PKD1L1: variants seen among roughly 807,000 people sequenced by gnomAD.
PKD1L1 encodes polycystin-1-like protein 1.
PKD1L1 carries 236 observed loss-of-function variants against 323.4 expected under a neutral mutation model. That is an observed-to-expected ratio of 0.73 (90% CI 0.66 to 0.81). The LOEUF (loss-of-function observed/expected upper bound fraction) is 0.81. Among genes scored for constraint, PKD1L1 ranks in the 40% least tolerant of loss-of-function variants. The pLI, the probability that PKD1L1 is intolerant of heterozygous loss-of-function variation, is 0.00. For synonymous variants in PKD1L1, 1,344 were observed against 1,335.0 expected (o/e 1.01, Z -0.15); for missense variants, 3,320 against 3,508.0 (o/e 0.95, Z 1.35).
intron 7 of PKD1L1, among the ~76,000 whole-genome samples, chr7:47,917,314 A>G (rs926544977): frequency 6.6e-6 from 1 of 152,170 alleles, no homozygotes; most frequent in African/African-American, 2.4e-5. Flanking sequence ...AAAGCCTCCA[A>G]GAAGTCTGGG....
intron 31 of PKD1L1, among the ~76,000 whole-genome samples, chr7:47,849,039 G>C (rs140023164): frequency 1.1e-3 from 171 of 152,162 alleles, no homozygotes; most frequent in African/African-American, 3.9e-3. Context: ...CCAAAAATAA[G>C]GCCAAATACC....
In PKD1L1 at chr7:47,835,062, C is replaced by T. The variant is rs116012201; in HGVS notation, c.6055-23G>A. ...TTCCTGCAGAAGGAAAGAGGTGGTTCGCCAAGCGTGTTCCCCAGCAATGAA... is the reference window on the plus strand; with the variant it reads ...TTCCTGCAGAAGGAAAGAGGTGGTTTGCCAAGCGTGTTCCCCAGCAATGAA... On this transcript the variant is annotated intron_variant, in intron 38 of 56. Transcript: ENST00000289672. 270 of 1,612,742 alleles carry T rather than the reference C, an allele frequency of 1.7e-4. 3 individuals carry two copies. The African/African-American group carries it at 3.1e-3, about 18-fold the overall frequency.
intron 50 of PKD1L1, among the ~76,000 whole-genome samples, chr7:47,811,405 T>G (rs1784891771): frequency 6.6e-6 from 1 of 152,122 alleles, no homozygotes; most frequent in Admixed American, 6.5e-5. Context: ...TCCGCCCACC[T>G]CGGCCTCCCA....
the PKD1L1 span, chr7:47,957,318 C>G: frequency 6.6e-6 from 1 of 152,472 alleles, no homozygotes; most frequent in Non-Finnish European, 1.5e-5. Context: ...AGAATAGGAA[C>G]ATGCTGTAAT....
chr7:47,813,987 G>T lies in PKD1L1; in HGVS notation c.7117C>A (p.Leu2373Ile). 1 of 1,614,044 alleles carries T rather than the reference G, an allele frequency of 6.2e-7. No homozygotes were observed. Reference sequence around the variant, plus strand: ...TGCCTAATTACGGAACTGCCTATTAGGTAGCATTTTCCTCCAAGAGCTCCA... The same window carrying T: ...TGCCTAATTACGGAACTGCCTATTATGTAGCATTTTCCTCCAAGAGCTCCA... ...QPGALGGKCY[L>I]IGSSVIRQLK... Residue 2373 changes from leucine to isoleucine, a missense_variant, in exon 48 of 57, where the codon CTA (leucine) becomes ATA (isoleucine). Coordinates refer to ENST00000289672, the MANE Select transcript of PKD1L1 (RefSeq NM_138295.5).
intron 3 of PKD1L1, among the ~76,000 whole-genome samples, chr7:47,938,287 G>C (rs900566076): frequency 6.6e-6 from 1 of 152,110 alleles, no homozygotes; most frequent in African/African-American, 2.4e-5. Flanking sequence ...TGTCAAGAAG[G>C]CCAGAGTGGG....
chr7:47,845,837 T>A (rs1785653661), intron 32 of PKD1L1, among the ~76,000 whole-genome samples: 1 of 152,170 alleles, frequency 6.6e-6, no homozygotes, highest in Admixed American at 6.5e-5. Flanking sequence ...TGTCTCAGCC[T>A]CCCAAAGAGC....
chr7:47,833,051 A>C, intron 41 of PKD1L1, 39 bp downstream of exon 41: 1 of 1,583,696 alleles, frequency 6.3e-7, no homozygotes, highest in South Asian at 1.2e-5. Context: ...GGTCTGCTGG[A>C]CTGGCAGGAA....
chr7:47,814,756 C>T (rs1376109251), intron 47 of PKD1L1, among the ~76,000 whole-genome samples: 1 of 152,218 alleles, frequency 6.6e-6, no homozygotes, highest in Non-Finnish European at 1.5e-5. Flanking sequence ...TCGTGATCCA[C>T]CTGCCTCAGC....
chr7:47,944,087 G>A (rs762561656), intron 1 of PKD1L1, among the ~76,000 whole-genome samples: 3 of 152,222 alleles, frequency 2.0e-5, no homozygotes, highest in Admixed American at 6.5e-5. Context: ...TACTTTTTCA[G>A]ATGCTGGTAT....
chr7:47,811,681 G>C (rs1784898951), intron 50 of PKD1L1, 136 bp downstream of exon 50: 1 of 684,904 alleles, frequency 1.5e-6, no homozygotes, highest in Admixed American at 2.6e-5. Context: ...TGCAAGAAGG[G>C]GATGTGACAA....
chr7:47,805,086 TACACACACAC>T (rs59085691), intron 52 of PKD1L1, among the ~76,000 whole-genome samples: 9,463 of 150,124 alleles, frequency 0.063, 421 homozygotes, highest in East Asian at 0.19. Flanking sequence ...CCTGTACAAA[TACACACACAC>T]ACACACACAC....
At chr7:47,913,599 C>T (rs1468141589) in intron 8 of PKD1L1, among the ~76,000 whole-genome samples, 1 of 151,974 alleles carries the variant, frequency 6.6e-6, no homozygotes, top group Non-Finnish European at 1.5e-5. Flanking sequence ...TGTGGCACCT[C>T]CCCCCCTCTT....
intron 25 of PKD1L1, among the ~76,000 whole-genome samples, chr7:47,865,841 T>C (rs910403588): frequency 1.3e-5 from 2 of 151,760 alleles, no homozygotes; most frequent in African/African-American, 4.8e-5. Flanking sequence ...GTGATCTGCC[T>C]GCCTTGGCCT....
chr7:47,830,005 T>C, intron 43 of PKD1L1, 35 bp downstream of exon 43: 1 of 1,590,930 alleles, frequency 6.3e-7, no homozygotes, highest in Non-Finnish European at 8.6e-7. Flanking sequence ...CCCCTGCTGA[T>C]GGAAGGCACT....
In PKD1L1 at chr7:47,775,140, T is replaced by C. The variant is rs752731197; in HGVS notation, c.*3A>G. The C allele has an allele frequency of 1.2e-6, 2 of 1,614,042 alleles. No individual in the cohort carries two copies. The highest frequency in any genetic ancestry group is 3.3e-5 in the Admixed American group (2 of 60,004). ...ATAGTGCCTATGCAAGGTACCAGGC[T>C]CCTCAGAAGTCCTTGATGTCTGCTG... is the stretch of plus-strand genomic sequence containing the variant. On this transcript the variant is annotated 3_prime_UTR_variant, in exon 57 of 57. Transcript: ENST00000289672.
At chr7:47,832,939 G>T in intron 41 of PKD1L1, 151 bp downstream of exon 41, 2 of 1,056,232 alleles carry the variant, frequency 1.9e-6, no homozygotes, top group Non-Finnish European at 2.6e-6. Context: ...GGACGCCTCA[G>T]TTTTGGGTGG....
chr7:47,847,184 G>A, intron 31 of PKD1L1, 113 bp from the exon 32 acceptor site: 1 of 713,966 alleles, frequency 1.4e-6, no homozygotes, highest in East Asian at 3.2e-5. Flanking sequence ...CTACAGATGA[G>A]CAAGAACTGA....
intron 4 of PKD1L1, among the ~76,000 whole-genome samples, chr7:47,933,134 T>C (rs146890816): frequency 6.6e-6 from 1 of 152,310 alleles, no homozygotes; most frequent in East Asian, 1.9e-4. Flanking sequence ...CAGAGATGCA[T>C]TAAAATATGA....
Sources: gnomAD v4.1 joint callset for allele counts (sites outside exome capture counted in the v4.1 genomes callset) on GRCh38, gnomAD v4.1.1 for gene constraint, MANE v1.5 for transcripts, NCBI Gene and HGNC (gene_info 2026-07-23, HGNC 2026-07-21) for gene names.